The following SCNN1G variants were observed in gnomAD, a reference collection of about 807,000 sequenced individuals.
SCNN1G encodes the protein epithelial sodium channel subunit gamma.
SCNN1G carries 27 observed loss-of-function variants against 64.6 expected under a neutral mutation model. The ratio of observed to expected loss-of-function variants is 0.42; its 90% CI spans 0.31 to 0.58. SCNN1G has a LOEUF of 0.58. Among genes scored for constraint, SCNN1G ranks in the 20% least tolerant of loss-of-function variants. SCNN1G has a pLI of 0.18. For synonymous variants in SCNN1G, 330 were observed against 314.2 expected, an observed-to-expected ratio of 1.05 and a Z score of -0.53; for missense variants, 743 against 823.4, an observed-to-expected ratio of 0.90 and a Z score of 1.19.
intron 2 of SCNN1G, among the ~76,000 whole-genome samples, chr16:23,187,718 C>G (rs1815566283): frequency 6.6e-6 from 1 of 152,102 alleles, no homozygotes; most frequent in Non-Finnish European, 1.5e-5. Flanking sequence ...CTCATCGGGC[C>G]CTGGGTGTGA....
In SCNN1G at chr16:23,215,366, GAACCCA is replaced by G; in HGVS notation, c.1849_1854del (p.Thr617_Gln618del). 6.2e-7 allele frequency: 1 copy of G among 1,614,118 alleles called. No individual in the cohort carries two copies. The highest frequency in any genetic ancestry group is 8.5e-7 in the Non-Finnish European group (1 of 1,180,026). On this transcript the variant is annotated inframe_deletion, in exon 13 of 13. Transcript: ENST00000300061. ...GCTTTGCACCTGCCTCCAGCCCTAG[GAACCCA>G]AGTGCCCGGCACACCGCCCCCCAAA... is the stretch of plus-strand genomic sequence containing the variant.
intron 4 of SCNN1G, 84 bp from the exon 5 acceptor site, chr16:23,194,087 T>C (rs770855300): frequency 1.1e-6 from 1 of 872,878 alleles, no homozygotes; most frequent in Non-Finnish European, 2.0e-6. Flanking sequence ...CCAAAGAGAG[T>C]TGGCTCCATT....
At chr16:23,207,804 A>T (rs1960014438) in intron 6 of SCNN1G, among the ~76,000 whole-genome samples, 1 of 152,190 alleles carries the variant, frequency 6.6e-6, no homozygotes, top group African/African-American at 2.4e-5. Context: ...GATGAAATGC[A>T]ATACAAACAG....
rs757031455 is a variant in SCNN1G at position 23,214,819 on chromosome 16, C to T, written c.1569+32C>T. 3.2e-6 allele frequency: 5 copies of T among 1,545,882 alleles called. No individual in the cohort carries two copies. The East Asian group carries it at 6.7e-5, about 21-fold the overall frequency. On this transcript the variant is annotated intron_variant, in intron 12 of 12. Transcript: ENST00000300061. ...AGAGTGGCTTCCTTCCAGGACCTGTCCTGGGCCTACAAATGTGAGCATCTT... is the reference window on the plus strand; with the variant it reads ...AGAGTGGCTTCCTTCCAGGACCTGTTCTGGGCCTACAAATGTGAGCATCTT...
rs537058483 is a variant in SCNN1G, at chr16:23,199,112, C to A, written c.1077+1685C>A. 6.7e-4 allele frequency among the ~76,000 whole-genome samples: 102 copies of A among 152,252 alleles called. 1 individual carries two copies. The highest frequency in any genetic ancestry group is 1.1e-3 in the Non-Finnish European group (78 of 68,016). On this transcript the variant is annotated intron_variant, in intron 6 of 12. Coordinates refer to ENST00000300061, the MANE Select transcript of SCNN1G (RefSeq NM_001039.4). The stretch of plus-strand genomic sequence containing the variant: ...AAGCAGAGTGTATCTCTCTTCCACT[C>A]CCGACATCCAGACTTCTCCTTCCTC...
rs1227430896 is a variant in SCNN1G, at chr16:23,213,173, C to A, written c.1493+10C>A. 5 of 1,606,168 alleles carry A rather than the reference C, an allele frequency of 3.1e-6. No individual in the cohort carries two copies. The highest frequency in any genetic ancestry group is 1.3e-5 in the African/African-American group (1 of 74,542). Reference sequence around the variant, plus strand: ...ACAAAAAGCTCAACAAGTAAGTTACCTCTACCCTGTTCCTCTGTCTCTTCC... The same window carrying A: ...ACAAAAAGCTCAACAAGTAAGTTACATCTACCCTGTTCCTCTGTCTCTTCC... On this transcript the variant is annotated intron_variant, in intron 11 of 12. Coordinates refer to ENST00000300061, the MANE Select transcript of SCNN1G (RefSeq NM_001039.4).
At chr16:23,193,069 C>CAAAAAAAAAA (rs56318076) in intron 4 of SCNN1G, among the ~76,000 whole-genome samples, 12 of 69,128 alleles carry the variant, frequency 1.7e-4, no homozygotes, top group African/African-American at 8.0e-4. Flanking sequence ...ACTCTTGTCT[C>CAAAAAAAAAA]AAAAAAAAAA....
rs368983265 is a variant in SCNN1G, at chr16:23,215,499, G to C, written c.*30G>C. ...GGGTTGAGAAGACAGATCTAGTCAG[G>C]ACCACCAGCCATGGTCTAAGGACAT... On this transcript the variant is annotated 3_prime_UTR_variant, in exon 13 of 13. Coordinates refer to ENST00000300061, the MANE Select transcript of SCNN1G (RefSeq NM_001039.4). 7 of 1,601,988 alleles carry C rather than the reference G, an allele frequency of 4.4e-6. No individual in the cohort carries two copies. The highest frequency in any genetic ancestry group is 1.3e-5 in the African/African-American group (1 of 75,026).
At chr16:23,210,663 A>G (rs930034932) in intron 7 of SCNN1G, among the ~76,000 whole-genome samples, 4 of 152,188 alleles carry the variant, frequency 2.6e-5, no homozygotes, top group African/African-American at 7.2e-5. Flanking sequence ...GAACAAAAGG[A>G]CCAGAAACCT....
chr16:23,212,348 T>C (rs1960093480), intron 8 of SCNN1G, among the ~76,000 whole-genome samples, 197 bp downstream of exon 8: 1 of 152,188 alleles, frequency 6.6e-6, no homozygotes, highest in South Asian at 2.1e-4. Flanking sequence ...CTTAGTCAAC[T>C]CCAGGAGGTA....
At chr16:23,200,967 GC>G (rs1233083691) in intron 6 of SCNN1G, among the ~76,000 whole-genome samples, 1 of 152,198 alleles carries the variant, frequency 6.6e-6, no homozygotes, top group African/African-American at 2.4e-5. Flanking sequence ...CTCTCAGGAG[GC>G]ATGTTACTTA....
In SCNN1G at chr16:23,197,416, G is replaced by A. The variant is rs1159361673; in HGVS notation, c.1066G>A (p.Gly356Arg). 6.2e-7 allele frequency: 1 copy of A among 1,613,914 alleles called. No individual in the cohort carries two copies. Among genetic ancestry groups the A allele is most frequent in the Non-Finnish European group, 8.5e-7 (1 of 1,179,784 alleles). The change falls in exon 6 of 13, where the codon GGA (glycine) becomes AGA (arginine). Residue 356 changes from glycine to arginine, a missense_variant. By Grantham distance (125) the Gly-to-Arg change is moderately radical. Coordinates refer to ENST00000300061, the MANE Select transcript of SCNN1G (RefSeq NM_001039.4). ...EIETAMVTSIGMHLTESFKLS... is the reference protein window; with the variant it reads ...EIETAMVTSIRMHLTESFKLS... ...TGAGACAGCAATGGTCACCTCTATA[G>A]GAATGCACCTGGTAAGAGAATATTC...
In SCNN1G at chr16:23,192,632, G is replaced by GT. The variant is rs920312073; in HGVS notation, c.809+91dup. 13 of 1,076,478 alleles carry GT rather than the reference G, an allele frequency of 1.2e-5. No individual in the cohort carries two copies. The African/African-American group carries it at 2.0e-4, about 17-fold the overall frequency. The allele number at this position is 1,076,478 out of a possible 1,614,324, so 66.7% of individuals were successfully genotyped here. A position where few individuals can be genotyped will look rare whatever the true frequency, so the allele number is the denominator to read the frequency against. ...CAGGAACCTACAGCCTTGATGATAG[G>GT]TCTTGGGAGCAAAAGGTGCTCTTCT... On this transcript the variant is annotated intron_variant, in intron 4 of 12. Coordinates refer to ENST00000300061, the MANE Select transcript of SCNN1G (RefSeq NM_001039.4).
At chr16:23,206,484 C>T (rs1404541069) in intron 6 of SCNN1G, among the ~76,000 whole-genome samples, 2 of 152,098 alleles carry the variant, frequency 1.3e-5, no homozygotes, top group African/African-American at 2.4e-5. Context: ...GTGCAGCGCC[C>T]CATACCTATA....
At position 23,212,827 on chromosome 16, in the gene SCNN1G, C is replaced by G; in HGVS notation, c.1374-10C>G. 1.2e-6 allele frequency: 2 copies of G among 1,614,196 alleles called. No individual in the cohort carries two copies. The highest frequency in any genetic ancestry group is 2.7e-5 in the African/African-American group (2 of 75,066). ...GCTGCCTACACTCATGCTGTCCCCT[C>G]CTCCCTTAGCTTTAAAGAGTGGACA... On this transcript the variant is annotated splice_polypyrimidine_tract_variant and intron_variant, in intron 9 of 12. Coordinates refer to ENST00000300061, the MANE Select transcript of SCNN1G (RefSeq NM_001039.4).
intron 6 of SCNN1G, among the ~76,000 whole-genome samples, chr16:23,204,334 T>TATATATATATAG (rs1567267153): frequency 6.6e-5 from 1 of 15,176 alleles, no homozygotes; most frequent in African/African-American, 2.8e-4. Context: ...TATATATATA[T>TATATATATATAG]AGAGAGAGAG....
intron 6 of SCNN1G, among the ~76,000 whole-genome samples, chr16:23,198,581 C>CA (rs1208265629): frequency 6.8e-5 from 10 of 147,462 alleles, no homozygotes; most frequent in South Asian, 2.2e-4. Flanking sequence ...AAACGAAATA[C>CA]AAAAAAAATC....
At chr16:23,183,923 T>C (rs1471418945) in intron 1 of SCNN1G, among the ~76,000 whole-genome samples, 4 of 152,192 alleles carry the variant, frequency 2.6e-5, no homozygotes, top group Non-Finnish European at 4.4e-5. Context: ...CTACTTAACC[T>C]GTCAGCGTCT....
At chr16:23,201,724 T>C (rs545770855) in intron 6 of SCNN1G, among the ~76,000 whole-genome samples, 1 of 152,282 alleles carries the variant, frequency 6.6e-6, no homozygotes, top group Admixed American at 6.5e-5. Flanking sequence ...CACTGAGAGA[T>C]TGTGTGTCCA....
Sources: gnomAD v4.1 joint callset for allele counts (sites outside exome capture counted in the v4.1 genomes callset) on GRCh38, gnomAD v4.1.1 for gene constraint, MANE v1.5 for transcripts, NCBI Gene and HGNC (gene_info 2026-07-23, HGNC 2026-07-21) for gene names.